The following LSM3 variants were observed in gnomAD, a reference collection of about 807,000 sequenced individuals.
LSM3 encodes LSM3 homolog, U6 small nuclear RNA and mRNA degradation associated.
Under a neutral mutation model 15.4 loss-of-function variants are expected in LSM3, and 14 were observed. That is an observed-to-expected ratio of 0.91 (90% confidence interval 0.60 to 1.42). The LOEUF is 1.42. Ranked by LOEUF, LSM3 falls within the 40% of genes most tolerant of loss-of-function variation. The probability of loss-of-function intolerance (pLI) is 0.00; values close to 1 mark genes in which losing one functional copy is unlikely to be tolerated. For synonymous variants in LSM3, 46 were observed against 45.1 expected, an observed-to-expected ratio of 1.02 and a Z score of -0.08; for missense variants, 88 against 127.9, an observed-to-expected ratio of 0.69 and a Z score of 1.50.
At chr3:14,186,811 C>T (rs1345680628) in intron 3 of LSM3, among the ~76,000 whole-genome samples, 1 of 152,108 alleles carries the variant, frequency 6.6e-6, no homozygotes, top group African/African-American at 2.4e-5. Context: ...CTGATTGCAT[C>T]TTACAGGTGA....
Position 14,200,291 on chromosome 3 carries a change from ATG to A in LSM3, c.*2180_*2181del, listed in dbSNP as rs2124833025. The A allele has an allele frequency of 6.6e-6, 1 of 152,114 alleles. No individual in the cohort carries two copies. The highest frequency in any genetic ancestry group is 1.9e-4 in the East Asian group (1 of 5,170). The allele number at this position is 152,114 out of a possible 1,614,324, so 9.4% of individuals were successfully genotyped here. A position where few individuals can be genotyped will look rare whatever the true frequency, so the allele number is the denominator to read the frequency against. On this transcript the variant is annotated 3_prime_UTR_variant, in exon 4 of 4. Transcript: ENST00000306024. ...TCAGGAAATGGAGGGAGGGGAGGCAATGTGTGAGTCCTTTTGGAGCTGGGACT... is the reference window on the plus strand; with the variant it reads ...TCAGGAAATGGAGGGAGGGGAGGCAATGTGAGTCCTTTTGGAGCTGGGACT...
intron 3 of LSM3, 43 bp from the exon 4 acceptor site, chr3:14,197,993 T>C: frequency 2.0e-6 from 3 of 1,471,174 alleles, no homozygotes; most frequent in Non-Finnish European, 2.9e-6. Context: ...TAAGCAGTAA[T>C]ACACAGTTGT....
chr3:14,191,970 G>T (rs1697143975), intron 3 of LSM3, among the ~76,000 whole-genome samples: 1 of 152,008 alleles, frequency 6.6e-6, no homozygotes. Flanking sequence ...CAGAGATTCT[G>T]GTACGTTGTG....
chr3:14,184,037 G>A lies in LSM3; in HGVS notation c.228+5G>A. On this transcript the variant is annotated splice_donor_5th_base_variant and intron_variant, in intron 3 of 3. Transcript: ENST00000306024. The stretch of plus-strand genomic sequence containing the variant: ...ACATATGAAGAGATATATAAAGTAA[G>A]TCATGCAATTCTATTCATTGCTTTG... 3 of 1,602,480 alleles carry A rather than the reference G, an allele frequency of 1.9e-6. No homozygotes were observed. The highest frequency in any genetic ancestry group is 8.5e-7 in the Non-Finnish European group (1 of 1,176,424).
intron 3 of LSM3, among the ~76,000 whole-genome samples, chr3:14,185,267 A>G (rs1697078110): frequency 6.6e-6 from 1 of 152,004 alleles, no homozygotes; most frequent in African/African-American, 2.4e-5. Flanking sequence ...CAGGAGAATC[A>G]CTTGAACCTG....
intron 1 of LSM3, among the ~76,000 whole-genome samples, chr3:14,181,356 G>T (rs1368414662): frequency 6.6e-6 from 1 of 152,188 alleles, no homozygotes; most frequent in Non-Finnish European, 1.5e-5. Context: ...CGTATTATGT[G>T]AAAAGCTCTG....
At chr3:14,194,775 CTT>C (rs145805608) in intron 3 of LSM3, among the ~76,000 whole-genome samples, 3,466 of 88,682 alleles carry the variant, frequency 0.039, 84 homozygotes, top group African/African-American at 0.082. Flanking sequence ...TTATAGCATC[CTT>C]TTTTTTTTTT....
chr3:14,179,802 T>C (rs1031852100), intron 1 of LSM3, among the ~76,000 whole-genome samples: 1 of 152,232 alleles, frequency 6.6e-6, no homozygotes, highest in Non-Finnish European at 1.5e-5. Flanking sequence ...TATTTAAAGC[T>C]ACAGGATGAA....
intron 1 of LSM3, 87 bp downstream of exon 1, chr3:14,178,968 T>A: frequency 7.0e-7 from 1 of 1,432,182 alleles, no homozygotes; most frequent in Non-Finnish European, 9.8e-7. Context: ...CAGTCGTGCC[T>A]CCTCTCTCCA....
At position 14,195,690 on chromosome 3, in the gene LSM3, A is replaced by G. The variant is rs543710342; in HGVS notation, c.229-2346A>G. 2.0e-5 allele frequency among the ~76,000 whole-genome samples: 3 copies of G among 152,300 alleles called. No homozygotes were observed. In the South Asian group the frequency reaches 6.2e-4, roughly 32 times the overall value. On this transcript the variant is annotated intron_variant, in intron 3 of 3. Transcript: ENST00000306024. ...TGAGAGCATGCAACCCTTGTAGTGGAGTGTGCCCCCTCCTTGGTGACTGTA... is the reference window on the plus strand; with the variant it reads ...TGAGAGCATGCAACCCTTGTAGTGGGGTGTGCCCCCTCCTTGGTGACTGTA...
chr3:14,180,846 TTTTTTTTTTTTAAA>T (rs1697030198), intron 1 of LSM3, among the ~76,000 whole-genome samples: 2 of 84,044 alleles, frequency 2.4e-5, no homozygotes, highest in African/African-American at 4.9e-5. Context: ...TTTTTTTTTT[TTTTTTTTTTTTAAA>T]AAAAAAAAAG....
In LSM3 at chr3:14,199,026, T is replaced by C. The variant is rs1394363631; in HGVS notation, c.*910T>C. The C allele has an allele frequency of 6.6e-6, 1 of 152,158 alleles. No homozygotes were observed. The highest frequency in any genetic ancestry group is 1.5e-5 in the Non-Finnish European group (1 of 68,044). The allele number at this position is 152,158 out of a possible 1,614,324, so 9.4% of individuals were successfully genotyped here. A position where few individuals can be genotyped will look rare whatever the true frequency, so the allele number is the denominator to read the frequency against. ...ATGGGAGAAAGGGGCAGAGGGACAT[T>C]GTAAACATCAACCCTGCAGTAGAAG... On this transcript the variant is annotated 3_prime_UTR_variant, in exon 4 of 4. Transcript: ENST00000306024.
intron 1 of LSM3, 139 bp from the exon 2 acceptor site, chr3:14,181,421 A>G (rs182689496): frequency 4.6e-6 from 3 of 647,176 alleles, no homozygotes; most frequent in East Asian, 5.1e-5. Flanking sequence ...TTAGGTAGAC[A>G]CTATTATCTC....
intron 3 of LSM3, among the ~76,000 whole-genome samples, chr3:14,191,905 CT>C (rs1357701796): frequency 6.6e-6 from 1 of 152,102 alleles, no homozygotes; most frequent in Non-Finnish European, 1.5e-5. Flanking sequence ...CCTGCTTTCT[CT>C]TGTGGGCATT....
intron 3 of LSM3, among the ~76,000 whole-genome samples, chr3:14,193,885 T>G (rs1407060666): frequency 6.6e-6 from 1 of 152,206 alleles, no homozygotes; most frequent in Non-Finnish European, 1.5e-5. Context: ...TTTCAGCCTT[T>G]TTGTGCTGGT....
intron 2 of LSM3, 124 bp downstream of exon 2, chr3:14,181,794 A>C (rs553268329): frequency 3.0e-6 from 2 of 667,512 alleles, no homozygotes; most frequent in African/African-American, 3.6e-5. Flanking sequence ...AAAGTCACCC[A>C]TATCACATAA....
At position 14,178,833 on chromosome 3, in the gene LSM3, A is replaced by C; in HGVS notation, c.-28A>C. On this transcript the variant is annotated 5_prime_UTR_variant, in exon 1 of 4. Transcript: ENST00000306024. ...GACGTTGCTCTTGTGTTCTCGCGAG[A>C]GGCGGGAAAGGGCGCAGGGTTTGAA... The C allele has an allele frequency of 6.2e-7, 1 of 1,614,176 alleles. No individual in the cohort carries two copies. The highest frequency in any genetic ancestry group is 8.5e-7 in the Non-Finnish European group (1 of 1,179,970).
At chr3:14,180,023 A>G (rs1056909968) in intron 1 of LSM3, among the ~76,000 whole-genome samples, 7 of 152,162 alleles carry the variant, frequency 4.6e-5, no homozygotes, top group African/African-American at 1.7e-4. Flanking sequence ...GGACATAGGG[A>G]CCAGTTGAGT....
intron 3 of LSM3, among the ~76,000 whole-genome samples, chr3:14,194,481 G>C (rs1697170124): frequency 6.6e-6 from 1 of 152,122 alleles, no homozygotes; most frequent in African/African-American, 2.4e-5. Context: ...TTTCTAGAAT[G>C]GGGATTCTAG....
Sources: allele counts gnomAD v4.1 joint callset (sites outside exome capture counted in the v4.1 genomes callset), GRCh38; gene constraint gnomAD v4.1.1; transcripts MANE v1.5; gene names NCBI Gene and HGNC (gene_info 2026-07-23, HGNC 2026-07-21).